The following ARHGAP24 variants were observed in gnomAD, a reference collection of about 807,000 sequenced individuals.
The protein encoded by ARHGAP24 is rho GTPase-activating protein 24.
In ARHGAP24, 50 loss-of-function variants were observed where a neutral mutation model predicts 76.4. The observed-to-expected ratio is 0.65, with a 90% CI of 0.52 to 0.83. ARHGAP24 has a LOEUF of 0.83. ARHGAP24 is among the 40% of genes least tolerant of loss of function. The pLI is 0.00. For missense variants in ARHGAP24, 930 were observed against 914.2 expected (o/e 1.02, Z -0.22); for synonymous variants, 345 against 323.3 (o/e 1.07, Z -0.72).
intron 2 of ARHGAP24, among the ~76,000 whole-genome samples, chr4:85,697,138 G>T (rs564456728): frequency 6.6e-6 from 1 of 152,108 alleles, no homozygotes; most frequent in Non-Finnish European, 1.5e-5. Context: ...TAGTCAACTG[G>T]CATGCATTTA....
chr4:85,534,120 C>T (rs1471802752), intron 1 of ARHGAP24, among the ~76,000 whole-genome samples: 3 of 152,080 alleles, frequency 2.0e-5, no homozygotes, highest in Non-Finnish European at 4.4e-5. Flanking sequence ...AGAAGGGAGG[C>T]TATCACAGAG....
intron 3 of ARHGAP24, among the ~76,000 whole-genome samples, chr4:85,773,329 C>A (rs1173912499): frequency 2.0e-5 from 3 of 152,152 alleles, no homozygotes; most frequent in African/African-American, 7.2e-5. Flanking sequence ...AATGGATACC[C>A]ATTTCCTTGA....
Position 85,523,898 on chromosome 4 carries a change from T to C in ARHGAP24, c.-20-46624T>C, listed in dbSNP as rs192209590. On this transcript the variant is annotated intron_variant, in intron 1 of 9. Coordinates refer to ENST00000395184, the MANE Select transcript of ARHGAP24 (RefSeq NM_001025616.3). Reference sequence around the variant, plus strand: ...TCTTTACAACGGAGTTAAAATTTTGTAGGAAACAGGCAAAAAACAAATTTC... The same window carrying C: ...TCTTTACAACGGAGTTAAAATTTTGCAGGAAACAGGCAAAAAACAAATTTC... Among the ~76,000 whole-genome samples, 15 of 152,230 alleles carry C rather than the reference T, an allele frequency of 9.9e-5. No individual in the cohort carries two copies. In the East Asian group the frequency reaches 2.9e-3, roughly 29 times the overall value.
In ARHGAP24 at chr4:85,647,631, G is replaced by A. The variant is rs113534751; in HGVS notation, c.181-74254G>A. On this transcript the variant is annotated intron_variant, in intron 2 of 9. Coordinates refer to ENST00000395184, the MANE Select transcript of ARHGAP24 (RefSeq NM_001025616.3). Reference sequence around the variant, plus strand: ...AAATTACAATAATGAATGTAGAATTGAATTTTCATCTTAACAACTCTACAG... The same window carrying A: ...AAATTACAATAATGAATGTAGAATTAAATTTTCATCTTAACAACTCTACAG... 7.0e-3 allele frequency among the ~76,000 whole-genome samples: 1,063 copies of A among 152,190 alleles called. 14 individuals carry two copies. The highest frequency in any genetic ancestry group is 0.024 in the African/African-American group (1,013 of 41,546).
At chr4:85,489,504 G>A (rs1025034875) in intron 1 of ARHGAP24, among the ~76,000 whole-genome samples, 1 of 152,174 alleles carries the variant, frequency 6.6e-6, no homozygotes, top group African/African-American at 2.4e-5. Context: ...AAACAGGAGA[G>A]GTCAAATAGA....
intron 2 of ARHGAP24, among the ~76,000 whole-genome samples, chr4:85,709,547 G>C (rs1256401723): frequency 6.6e-6 from 1 of 151,964 alleles, no homozygotes; most frequent in Non-Finnish European, 1.5e-5. Context: ...CATATTAAAA[G>C]CATCCATTTT....
chr4:85,896,532 G>A (rs1370525572), intron 3 of ARHGAP24, among the ~76,000 whole-genome samples: 2 of 152,156 alleles, frequency 1.3e-5, no homozygotes, highest in Non-Finnish European at 2.9e-5. Flanking sequence ...TTTAGAAGAG[G>A]ATGCTGGATT....
chr4:85,485,403 A>ATATG (rs1723009292), intron 1 of ARHGAP24, among the ~76,000 whole-genome samples: 1 of 118,048 alleles, frequency 8.5e-6, no homozygotes, highest in African/African-American at 3.4e-5. Flanking sequence ...ATATATATAT[A>ATATG]TATATATATA....
chr4:85,835,513 G>A (rs1423480646), intron 3 of ARHGAP24, among the ~76,000 whole-genome samples: 16 of 140,544 alleles, frequency 1.1e-4, no homozygotes, highest in African/African-American at 3.4e-4. Context: ...CCGAGATCGC[G>A]CCACTGCACT....
chr4:85,965,100 A>G (rs1738499201), intron 5 of ARHGAP24, among the ~76,000 whole-genome samples: 1 of 152,146 alleles, frequency 6.6e-6, no homozygotes, highest in South Asian at 2.1e-4. Context: ...TGATAAAGAC[A>G]TACCGGAGAC....
chr4:85,670,993 A>G (rs2869363), intron 2 of ARHGAP24, among the ~76,000 whole-genome samples: 55,708 of 152,084 alleles, frequency 0.37, 11,361 homozygotes, highest in East Asian at 0.84. Context: ...GGATTCGCAG[A>G]TCATTCTAAT....
intron 2 of ARHGAP24, among the ~76,000 whole-genome samples, chr4:85,623,991 A>C (rs1720822526): frequency 6.6e-6 from 1 of 152,164 alleles, no homozygotes; most frequent in African/African-American, 2.4e-5. Flanking sequence ...TTTTGGGCTG[A>C]GACAATGGGG....
At chr4:85,722,028 A>C (rs1724964465) in intron 3 of ARHGAP24, 56 bp downstream of exon 3, 3 of 1,474,934 alleles carry the variant, frequency 2.0e-6, no homozygotes, top group Non-Finnish European at 2.8e-6. Flanking sequence ...GGTAAAGGTG[A>C]AGATGGGTCA....
chr4:85,975,537 A>G (rs921941909), intron 7 of ARHGAP24: 62 of 152,930 alleles, frequency 4.1e-4, no homozygotes, highest in African/African-American at 1.4e-3. Flanking sequence ...TAGAAAAATA[A>G]TTGTGCCAGA....
chr4:85,805,723 T>C (rs1728759209), intron 3 of ARHGAP24, among the ~76,000 whole-genome samples: 1 of 152,194 alleles, frequency 6.6e-6, no homozygotes, highest in Non-Finnish European at 1.5e-5. Context: ...CTTTGGCCTT[T>C]CGTTGATGCC....
chr4:85,940,753 A>G (rs346507), intron 4 of ARHGAP24, among the ~76,000 whole-genome samples: 68,611 of 152,012 alleles, frequency 0.45, 17,167 homozygotes, highest in African/African-American at 0.68. Context: ...ATCGATACTA[A>G]GTTACTAAAC....
At chr4:85,873,297 A>G (rs1159045577) in intron 3 of ARHGAP24, among the ~76,000 whole-genome samples, 1 of 152,240 alleles carries the variant, frequency 6.6e-6, no homozygotes, top group Non-Finnish European at 1.5e-5. Flanking sequence ...ATTCAGAGAA[A>G]TAAAGTACCT....
intron 3 of ARHGAP24, among the ~76,000 whole-genome samples, chr4:85,887,175 T>C (rs1202412743): frequency 1.3e-5 from 2 of 152,152 alleles, no homozygotes; most frequent in Non-Finnish European, 2.9e-5. Context: ...TTTACTGTCA[T>C]GATGATTATT....
At chr4:85,780,479 A>C (rs1276613762) in intron 3 of ARHGAP24, among the ~76,000 whole-genome samples, 1 of 150,744 alleles carries the variant, frequency 6.6e-6, no homozygotes, top group African/African-American at 2.5e-5. Flanking sequence ...GCCTTTTTTT[A>C]ATTCTTGTAT....
Sources: gnomAD v4.1 joint callset for allele counts (sites outside exome capture counted in the v4.1 genomes callset) on GRCh38, gnomAD v4.1.1 for gene constraint, MANE v1.5 for transcripts, NCBI Gene and HGNC (gene_info 2026-07-23, HGNC 2026-07-21) for gene names.